The following SYNPO variants were observed in gnomAD, a reference collection of about 807,000 sequenced individuals.
SYNPO encodes synaptopodin.
Under a neutral mutation model 49.5 loss-of-function variants are expected in SYNPO, and 19 were observed. The ratio of observed to expected loss-of-function variants is 0.38; its 90% CI spans 0.27 to 0.56. The LOEUF (loss-of-function observed/expected upper bound fraction) is 0.56, where lower values mean the gene tolerates loss of function less well. Among genes scored for constraint, SYNPO ranks in the 20% least tolerant of loss-of-function variants. The pLI is 0.68. For synonymous variants in SYNPO, 536 were observed against 548.0 expected (o/e 0.98, Z 0.31); for missense variants, 1,131 against 1,248.3 (o/e 0.91, Z 1.42).
the SYNPO span, among the ~76,000 whole-genome samples, chr5:150,594,483 T>C: frequency 2.0e-5 from 3 of 152,166 alleles, no homozygotes; most frequent in Admixed American, 2.0e-4. Context: ...TCCTGACAGA[T>C]GGCTACAGAA....
rs1263485965 is a variant in SYNPO at position 150,620,939 on chromosome 5, TTC to T, written c.400+2174_400+2175del. Among the ~76,000 whole-genome samples, 6 of 138,556 alleles carry T rather than the reference TTC, an allele frequency of 4.3e-5. 1 individual carries two copies. Among genetic ancestry groups the T allele is most frequent in the Admixed American group, 2.9e-4 (4 of 14,000 alleles). The allele number at this position is 138,556 out of a possible 152,430, so 90.9% of individuals were successfully genotyped here. ...TTTCTTTCTTTCTTTCTTTCTTTCT[TTC>T]TTTCTTTTCTTTTCTTTTTTTTTTT... On this transcript the variant is annotated intron_variant, in intron 2 of 2. Coordinates refer to the SYNPO transcript ENST00000394243.
At chr5:150,620,899 C>CTCTTTCTTTCTTTCTTTCTTTCTTTCTT (rs60102848) in intron 2 of SYNPO, among the ~76,000 whole-genome samples, 13 of 108,922 alleles carry the variant, frequency 1.2e-4, no homozygotes, top group East Asian at 2.7e-4. Flanking sequence ...TTCTTTTTTT[C>CTCTTTCTTTCTTTCTTTCTTTCTTTCTT]TCTTTCTTTC....
In SYNPO at chr5:150,656,742, A is replaced by G. The variant is rs554668244; in HGVS notation, c.2367A>G (p.Pro789=). Residue 789 remains proline, a synonymous_variant, in exon 3 of 3, where the codon CCA becomes CCG. Coordinates refer to ENST00000307662, the MANE Select transcript of SYNPO (RefSeq NM_007286.6). The stretch of plus-strand genomic sequence containing the variant: ...GGCCCTTCTCCCCGCCGAGGGCGCC[A>G]CCGCCCCCGCCCCCGCCCCCGCCCC... The part of the protein sequence containing the change: ...NPRPFSPPRA[P]PPPPPPPPPP... The G allele has an allele frequency of 1.8e-6, 2 of 1,098,034 alleles. No individual in the cohort carries two copies. The highest frequency in any genetic ancestry group is 1.9e-5 in the African/African-American group (1 of 51,838). 68.0% of individuals were successfully genotyped at this position (1,098,034 alleles called of 1,614,324 possible). A position where few individuals can be genotyped will look rare whatever the true frequency, so the allele number is the denominator to read the frequency against.
At chr5:150,592,605 T>C in the SYNPO span, among the ~76,000 whole-genome samples, 58,505 of 152,092 alleles carry the variant, frequency 0.38, 11,464 homozygotes, top group Middle Eastern at 0.52. Flanking sequence ...GAAGGAGGCA[T>C]TGGGGCTGGA....
At chr5:150,619,432 G>A (rs933400192) in intron 2 of SYNPO, among the ~76,000 whole-genome samples, 3 of 152,186 alleles carry the variant, frequency 2.0e-5, no homozygotes, top group African/African-American at 7.2e-5. Context: ...CTAGGCTGCA[G>A]TGAGATCCCA....
the SYNPO span, among the ~76,000 whole-genome samples, chr5:150,593,243 G>A: frequency 6.6e-6 from 1 of 152,212 alleles, no homozygotes; most frequent in African/African-American, 2.4e-5. Context: ...TAAGAATGAG[G>A]TTTGTCCTGG....
At chr5:150,638,204 C>T (rs1373089294), upstream of SYNPO, among the ~76,000 whole-genome samples, 1 of 152,162 alleles carries the variant, frequency 6.6e-6, no homozygotes, top group Non-Finnish European at 1.5e-5. Context: ...GGACATATGT[C>T]ACCTCCTCCA....
At chr5:150,618,333 C>T in exon 2 of SYNPO, 1 of 1,512,930 alleles carries the variant, frequency 6.6e-7, no homozygotes, top group Non-Finnish European at 8.9e-7. Context: ...GGCCCAGGAG[C>T]CTGCTTCCCT....
chr5:150,586,680 C>G, the SYNPO span, among the ~76,000 whole-genome samples: 1 of 151,928 alleles, frequency 6.6e-6, no homozygotes, highest in East Asian at 1.9e-4. Flanking sequence ...GATATTGTGC[C>G]CCTTCTAACT....
intron 2 of SYNPO, among the ~76,000 whole-genome samples, chr5:150,630,337 A>G (rs895264777): frequency 2.0e-5 from 3 of 152,164 alleles, no homozygotes; most frequent in Admixed American, 6.5e-5. Flanking sequence ...GCCCAGGGTC[A>G]CACAGGCAGA....
rs1758178275 is a variant in SYNPO, at chr5:150,648,202, C to T, written c.-74C>T. 1 of 1,593,816 alleles carries T rather than the reference C, an allele frequency of 6.3e-7. No individual in the cohort carries two copies. Among genetic ancestry groups the T allele is most frequent in the African/African-American group, 1.3e-5 (1 of 74,538 alleles). The stretch of plus-strand genomic sequence containing the variant: ...GCACCGGGGCTCAGCCTGAGTTCCA[C>T]CTCGCTGCCGGAGCCAGGCCCTCCA... On this transcript the variant is annotated 5_prime_UTR_variant, in exon 2 of 3. Transcript: ENST00000307662. The surrounding 1 kb of genome is among the most constrained non-coding windows in gnomAD (Gnocchi z 5.0).
the SYNPO span, among the ~76,000 whole-genome samples, chr5:150,592,464 GA>G: frequency 9.2e-3 from 1,388 of 151,434 alleles, 24 homozygotes; most frequent in African/African-American, 0.031. Context: ...ATGCCACCAA[GA>G]AAAAAAAATC....
the SYNPO span, among the ~76,000 whole-genome samples, chr5:150,594,063 T>C: frequency 6.6e-6 from 1 of 152,220 alleles, no homozygotes; most frequent in Admixed American, 6.5e-5. Flanking sequence ...ACGGCTGTGC[T>C]GACCCTGGCG....
At chr5:150,639,935 G>A (rs552084834), upstream of SYNPO, among the ~76,000 whole-genome samples, 7 of 152,318 alleles carry the variant, frequency 4.6e-5, no homozygotes, top group African/African-American at 7.2e-5. Flanking sequence ...CATGGCCCAC[G>A]TGACTGGCCC....
chr5:150,631,846 T>C (rs1757551590), intron 2 of SYNPO, among the ~76,000 whole-genome samples: 1 of 152,142 alleles, frequency 6.6e-6, no homozygotes, highest in African/African-American at 2.4e-5. Context: ...GAGAGTGCGT[T>C]CCTGGGCAGG....
intron 1 of SYNPO, among the ~76,000 whole-genome samples, chr5:150,608,082 C>T (rs1311003939): frequency 6.6e-6 from 1 of 152,212 alleles, no homozygotes; most frequent in Non-Finnish European, 1.5e-5. Flanking sequence ...TGTGGTATAG[C>T]CTAGTGTGTA....
chr5:150,607,810 G>T (rs2151343907), intron 1 of SYNPO, among the ~76,000 whole-genome samples: 1 of 152,000 alleles, frequency 6.6e-6, no homozygotes, highest in East Asian at 1.9e-4. Flanking sequence ...AGAAGCCCAT[G>T]AAATCAATTT....
intron 1 of SYNPO, among the ~76,000 whole-genome samples, chr5:150,616,713 T>G (rs10053114): frequency 0.11 from 16,649 of 152,096 alleles, 2,214 homozygotes; most frequent in African/African-American, 0.3. Flanking sequence ...TAACAAAATC[T>G]CTGTCACCAG....
Position 150,656,403 on chromosome 5 carries a change from G to A in SYNPO, c.2029-1G>A, listed in dbSNP as rs1758550463. 6 of 1,528,172 alleles carry A rather than the reference G, an allele frequency of 3.9e-6. No homozygotes were observed. Among genetic ancestry groups the A allele is most frequent in the Non-Finnish European group, 5.2e-6 (6 of 1,143,492 alleles). 94.7% of individuals were successfully genotyped at this position (1,528,172 alleles called of 1,614,324 possible). On this transcript the variant is annotated splice_acceptor_variant, in intron 2 of 2. Coordinates refer to ENST00000307662, the MANE Select transcript of SYNPO (RefSeq NM_007286.6). LOFTEE classifies it high-confidence loss of function. ...CCCCACCCTCTCTGCTCTCTCCCCA[G>A]GACCGCCGGGAGAGCCTGCCCACCT...
Sources: allele counts gnomAD v4.1 joint callset (sites outside exome capture counted in the v4.1 genomes callset), GRCh38; gene constraint gnomAD v4.1.1; non-coding constraint Gnocchi (gnomAD v3.1); transcripts MANE v1.5; gene names NCBI Gene and HGNC (gene_info 2026-07-23, HGNC 2026-07-21).